ZNF292: variants seen among roughly 807,000 people sequenced by gnomAD.
ZNF292 encodes 16 zinc-finger domain protein.
A neutral mutation model predicts 217.9 loss-of-function variants in ZNF292; 26 were observed. The ratio of observed to expected loss-of-function variants is 0.12; its 90% confidence interval spans 0.09 to 0.17. The LOEUF is 0.17. Among genes scored for constraint, ZNF292 ranks in the 10% least tolerant of loss-of-function variants. ZNF292 has a pLI of 1.00. For missense variants in ZNF292, 2,904 were observed against 3,175.2 expected, an observed-to-expected ratio of 0.91 and a Z score of 2.05; for synonymous variants, 1,257 against 1,124.1, an observed-to-expected ratio of 1.12 and a Z score of -2.37.
intron 1 of ZNF292, among the ~76,000 whole-genome samples, chr6:87,176,054 T>C (rs1298905345): frequency 6.6e-6 from 1 of 152,214 alleles, no homozygotes; most frequent in Admixed American, 6.5e-5. Context: ...ATCCAAAAGT[T>C]TGTAGTATAT....
intron 1 of ZNF292, among the ~76,000 whole-genome samples, chr6:87,163,706 T>G (rs1408202772): frequency 6.6e-6 from 1 of 152,158 alleles, no homozygotes; most frequent in Non-Finnish European, 1.5e-5. Flanking sequence ...TGAAATTATT[T>G]TAGCTGAAAA....
In ZNF292 at chr6:87,256,570, T is replaced by G. The variant is rs763157961; in HGVS notation, c.2941T>G (p.Leu981Val). 3 of 1,613,598 alleles carry G rather than the reference T, an allele frequency of 1.9e-6. No individual in the cohort carries two copies. In the South Asian group the frequency reaches 3.3e-5, roughly 18 times the overall value. Residue 981 changes from leucine (L) to valine (V), a missense_variant, in exon 8 of 8, where the codon TTG becomes GTG. Coordinates refer to ENST00000369577, the MANE Select transcript of ZNF292 (RefSeq NM_015021.3). ...GCCAGTTGAAGATACTTGTAATGAT[T>G]TGTGTCATCCAGGTTTCCAGGAGAG... is the stretch of plus-strand genomic sequence containing the variant. ...HTPVEDTCNDLCHPGFQERKE... is the reference protein window; with the variant it reads ...HTPVEDTCNDVCHPGFQERKE...
At chr6:87,224,921 G>A (rs995191780) in intron 4 of ZNF292, among the ~76,000 whole-genome samples, 1 of 151,894 alleles carries the variant, frequency 6.6e-6, no homozygotes, top group Non-Finnish European at 1.5e-5. Flanking sequence ...TGGTAAGACT[G>A]TGTTTAGCTT....
chr6:87,215,826 C>A, intron 1 of ZNF292, 77 bp from the exon 2 acceptor site: 1 of 1,200,294 alleles, frequency 8.3e-7, no homozygotes, highest in Non-Finnish European at 1.1e-6. Flanking sequence ...CAAAATTTTT[C>A]AGGAAAAAAC....
intron 5 of ZNF292, among the ~76,000 whole-genome samples, chr6:87,242,753 T>C (rs1279080240): frequency 6.6e-6 from 1 of 152,216 alleles, no homozygotes; most frequent in African/African-American, 2.4e-5. Flanking sequence ...TCGTTTTATA[T>C]AGTACATCAT....
At chr6:87,180,955 C>T (rs918623693) in intron 1 of ZNF292, among the ~76,000 whole-genome samples, 6 of 152,230 alleles carry the variant, frequency 3.9e-5, no homozygotes, top group Non-Finnish European at 7.3e-5. Flanking sequence ...TTGGTCGCCC[C>T]GCAGCTCAAA....
intron 5 of ZNF292, among the ~76,000 whole-genome samples, chr6:87,242,223 A>G (rs1395093901): frequency 2.0e-5 from 3 of 152,226 alleles, no homozygotes; most frequent in Non-Finnish European, 2.9e-5. Context: ...AGAGAGGAGT[A>G]GTGGGAACAA....
chr6:87,226,172 C>T (rs527686623), intron 4 of ZNF292, among the ~76,000 whole-genome samples: 14 of 152,222 alleles, frequency 9.2e-5, no homozygotes, highest in Non-Finnish European at 2.1e-4. Flanking sequence ...TGTCAGCTTG[C>T]CAGTCCTTTC....
chr6:87,164,187 G>A (rs559143287), intron 1 of ZNF292, among the ~76,000 whole-genome samples: 1 of 152,222 alleles, frequency 6.6e-6, no homozygotes, highest in East Asian at 1.9e-4. Flanking sequence ...GTTTTCTGGG[G>A]CTGAATAGTC....
intron 1 of ZNF292, among the ~76,000 whole-genome samples, chr6:87,212,665 C>T (rs59654654): frequency 0.056 from 8,551 of 152,274 alleles, 327 homozygotes; most frequent in African/African-American, 0.1. Flanking sequence ...CTTAACATCC[C>T]TTTTGATTGA....
chr6:87,155,575 C>G lies in ZNF292; in HGVS notation c.-17C>G, dbSNP rs1425798051. On this transcript the variant is annotated 5_prime_UTR_variant, in exon 1 of 8. Coordinates refer to ENST00000369577, the MANE Select transcript of ZNF292 (RefSeq NM_015021.3). ...TCACGTGACCCAGGTGCGTACGCGA[C>G]GGAGCGGGGTGTGAAGATGGCGGAC... The G allele has an allele frequency of 1.3e-6, 2 of 1,569,986 alleles. No individual in the cohort carries two copies. Among genetic ancestry groups the G allele is most frequent in the South Asian group, 2.3e-5 (2 of 85,438 alleles).
chr6:87,233,151 A>G (rs953393486), intron 4 of ZNF292, among the ~76,000 whole-genome samples, 174 bp from the exon 5 acceptor site: 3 of 152,160 alleles, frequency 2.0e-5, no homozygotes, highest in Non-Finnish European at 2.9e-5. Flanking sequence ...AGTTAGCAAT[A>G]TAATCTCTTC....
At position 87,155,622 on chromosome 6, in the gene ZNF292, T is replaced by C. The variant is rs1158425169; in HGVS notation, c.31T>C (p.Leu11=). The C allele has an allele frequency of 3.8e-6, 6 of 1,583,172 alleles. No individual in the cohort carries two copies. The highest frequency in any genetic ancestry group is 5.1e-6 in the Non-Finnish European group (6 of 1,165,940). The part of the protein sequence containing the change: MADEEAEQER[L]SCGEGGCVAE... ...GGACGAAGAGGCCGAGCAGGAGAGG[T>C]TGAGTTGCGGCGAAGGCGGCTGCGT... Residue 11 remains leucine, a synonymous_variant, in exon 1 of 8, where the codon TTG becomes CTG. Coordinates refer to ENST00000369577, the MANE Select transcript of ZNF292 (RefSeq NM_015021.3).
At chr6:87,251,606 A>C (rs1774924448) in intron 7 of ZNF292, among the ~76,000 whole-genome samples, 2 of 152,218 alleles carry the variant, frequency 1.3e-5, no homozygotes, top group South Asian at 4.1e-4. Context: ...TTTGTGATTA[A>C]CTGTTATGAA....
chr6:87,234,266 A>G (rs994426867), intron 5 of ZNF292, among the ~76,000 whole-genome samples: 1 of 152,172 alleles, frequency 6.6e-6, no homozygotes, highest in Non-Finnish European at 1.5e-5. Flanking sequence ...AGATAAAACT[A>G]TACTAGATTG....
In ZNF292 at chr6:87,189,742, G is replaced by A. The variant is rs538516485; in HGVS notation, c.169-26161G>A. Among the ~76,000 whole-genome samples, 94 of 151,884 alleles carry A rather than the reference G, an allele frequency of 6.2e-4. 1 individual carries two copies. Among genetic ancestry groups the A allele is most frequent in the Non-Finnish European group, 1.1e-3 (77 of 67,962 alleles). On this transcript the variant is annotated intron_variant, in intron 1 of 7. Coordinates refer to ENST00000369577, the MANE Select transcript of ZNF292 (RefSeq NM_015021.3). Reference sequence around the variant, plus strand: ...CAGTTGATGTTAACTTACCTGGCTGGTTTAATACTGTTTGTCAGATTCTAC... The same window carrying A: ...CAGTTGATGTTAACTTACCTGGCTGATTTAATACTGTTTGTCAGATTCTAC...
At chr6:87,240,041 C>T (rs896593612) in intron 5 of ZNF292, among the ~76,000 whole-genome samples, 72 of 152,282 alleles carry the variant, frequency 4.7e-4, no homozygotes, top group Middle Eastern at 3.4e-3. Flanking sequence ...GATCAGACCA[C>T]TGCACTCCAG....
intron 6 of ZNF292, 148 bp downstream of exon 6, chr6:87,243,759 T>C: frequency 2.6e-6 from 2 of 761,500 alleles, no homozygotes; most frequent in Non-Finnish European, 1.8e-6. Flanking sequence ...TGCAAACTTA[T>C]TATCGAGTAG....
At chr6:87,234,676 C>T (rs1470776542) in intron 5 of ZNF292, among the ~76,000 whole-genome samples, 1 of 151,790 alleles carries the variant, frequency 6.6e-6, no homozygotes, top group Non-Finnish European at 1.5e-5. Context: ...GACTCCAGAG[C>T]AATAGAGAGG....
Sources: gnomAD v4.1 joint callset for allele counts (sites outside exome capture counted in the v4.1 genomes callset) on GRCh38, gnomAD v4.1.1 for gene constraint, MANE v1.5 for transcripts, NCBI Gene and HGNC (gene_info 2026-07-23, HGNC 2026-07-21) for gene names.